Variants in HIP1 observed in about 807,000 individuals in gnomAD.
The protein encoded by HIP1 is huntingtin-interacting protein 1.
HIP1 carries 65 observed loss-of-function variants against 147.6 expected under a neutral mutation model. That is an observed-to-expected ratio of 0.44 (90% CI 0.36 to 0.54). The LOEUF (loss-of-function observed/expected upper bound fraction) is 0.54. Among genes scored for constraint, HIP1 ranks in the 20% least tolerant of loss-of-function variants. The probability of loss-of-function intolerance (pLI) is 0.00; values close to 1 mark genes in which losing one functional copy is unlikely to be tolerated. For missense variants in HIP1, 1,061 were observed against 1,299.6 expected (o/e 0.82, Z 2.82); for synonymous variants, 479 against 504.0 (o/e 0.95, Z 0.67).
chr7:75,695,805 C>G (rs1800616624), intron 1 of HIP1, among the ~76,000 whole-genome samples: 1 of 151,378 alleles, frequency 6.6e-6, no homozygotes, highest in African/African-American at 2.4e-5. Context: ...GAACTCCTGA[C>G]CCCAAGGGAT....
Position 75,664,004 on chromosome 7 carries a change from GTGTATATATATACACATATA to G in HIP1, c.121-64777_121-64758del, listed in dbSNP as rs1584931680. 3.6e-4 allele frequency among the ~76,000 whole-genome samples: 9 copies of G among 25,258 alleles called. 2 individuals carry two copies. In the East Asian group the frequency reaches 3.8e-3, roughly 11 times the overall value. The allele number at this position is 25,258 out of a possible 152,430, so 16.6% of individuals were successfully genotyped here. ...TATGTGTATATATATACACATATAT[GTGTATATATATACACATATA>G]TGTGTATATATATACACATATATGT... On this transcript the variant is annotated intron_variant, in intron 1 of 30. Transcript: ENST00000336926.
chr7:75,664,105 TAC>T, intron 1 of HIP1, among the ~76,000 whole-genome samples: 1 of 135,318 alleles, frequency 7.4e-6, no homozygotes, highest in Non-Finnish European at 1.6e-5. Context: ...TGTGCATACA[TAC>T]ATGTATGCAT....
At chr7:75,724,158 T>C (rs1409284752) in intron 1 of HIP1, among the ~76,000 whole-genome samples, 2 of 152,018 alleles carry the variant, frequency 1.3e-5, no homozygotes, top group Non-Finnish European at 2.9e-5. Flanking sequence ...GGTTTCACCA[T>C]GTTGGCCAGG....
At chr7:75,569,235 A>T (rs587718171) in intron 8 of HIP1, among the ~76,000 whole-genome samples, 417 of 152,298 alleles carry the variant, frequency 2.7e-3, no homozygotes, top group Non-Finnish European at 5.1e-3. Context: ...TTAAATTTAA[A>T]TTTGTTATTT....
intron 1 of HIP1, among the ~76,000 whole-genome samples, chr7:75,634,941 GAAAAAAAAAAA>G (rs58461422): frequency 1.6e-5 from 1 of 62,582 alleles, no homozygotes; most frequent in South Asian, 6.6e-4. Flanking sequence ...CACTATCTCT[GAAAAAAAAAAA>G]AAAAAAAAAA....
chr7:75,558,197 C>T lies in HIP1; in HGVS notation c.1434G>A (p.Leu478=). The change falls in exon 15 of 31, where the codon CTG becomes CTA. Residue 478 remains leucine (L), a synonymous_variant. Coordinates refer to ENST00000336926, the MANE Select transcript of HIP1 (RefSeq NM_005338.7). The part of the protein sequence containing the change: ...YSKLKEKYSE[L]VQNHADLLRK... ...GCAGCAGGTCAGCGTGGTTCTGAAC[C>T]AGCTCGCTGTACTTCTCCTTTAGCT... is the stretch of plus-strand genomic sequence containing the variant. 6.2e-7 allele frequency: 1 copy of T among 1,614,198 alleles called. No individual in the cohort carries two copies. Among genetic ancestry groups the T allele is most frequent in the Non-Finnish European group, 8.5e-7 (1 of 1,180,004 alleles).
At chr7:75,709,109 C>CTTTTTTTTTTTTTTT (rs55720152) in intron 1 of HIP1, among the ~76,000 whole-genome samples, 41 of 131,376 alleles carry the variant, frequency 3.1e-4, no homozygotes, top group East Asian at 6.6e-4. Context: ...TTTTTCTTTT[C>CTTTTTTTTTTTTTTT]TTTTTTTTTT....
chr7:75,551,112 G>A (rs1554492036), intron 22 of HIP1, among the ~76,000 whole-genome samples: 1 of 149,670 alleles, frequency 6.7e-6, no homozygotes, highest in Admixed American at 6.7e-5. Context: ...AATATATACA[G>A]TAGGACTCCA....
chr7:75,725,595 C>T (rs1438326740), intron 1 of HIP1, among the ~76,000 whole-genome samples: 1 of 152,064 alleles, frequency 6.6e-6, no homozygotes, highest in Non-Finnish European at 1.5e-5. Flanking sequence ...AGAAAATGTC[C>T]TTTTGTGTCT....
chr7:75,723,619 C>A (rs1395016324), intron 1 of HIP1, among the ~76,000 whole-genome samples: 1 of 152,086 alleles, frequency 6.6e-6, no homozygotes, highest in Non-Finnish European at 1.5e-5. Flanking sequence ...CTCCTAGAGG[C>A]CTCCCTCTGG....
At chr7:75,556,878 A>T (rs1795025493) in intron 16 of HIP1, 67 bp from the exon 17 acceptor site, 1 of 986,282 alleles carries the variant, frequency 1.0e-6, no homozygotes, top group African/African-American at 1.6e-5. Flanking sequence ...AAAAATGTAA[A>T]AACGTCCCAA....
intron 22 of HIP1, among the ~76,000 whole-genome samples, chr7:75,551,981 C>G (rs928968057): frequency 6.6e-6 from 1 of 152,116 alleles, no homozygotes; most frequent in Non-Finnish European, 1.5e-5. Flanking sequence ...CCTCAGCCTC[C>G]CAGGTTCAAG....
chr7:75,650,296 G>A (rs1798929742), intron 1 of HIP1, among the ~76,000 whole-genome samples: 1 of 151,990 alleles, frequency 6.6e-6, no homozygotes, highest in African/African-American at 2.4e-5. Flanking sequence ...GGCTGCCAGA[G>A]CTCTCTGCCC....
chr7:75,699,547 T>G (rs1800748916), intron 1 of HIP1, among the ~76,000 whole-genome samples: 3 of 151,956 alleles, frequency 2.0e-5, no homozygotes, highest in Admixed American at 6.6e-5. Flanking sequence ...ATAAAGACAT[T>G]CAGTTCCAAG....
At chr7:75,558,354 T>C in intron 14 of HIP1, 99 bp from the exon 15 acceptor site, 2 of 912,578 alleles carry the variant, frequency 2.2e-6, no homozygotes, top group Non-Finnish European at 3.6e-6. Flanking sequence ...CTTGTTTTGT[T>C]TTGAGACAGT....
chr7:75,660,158 G>T (rs981999431), intron 1 of HIP1, among the ~76,000 whole-genome samples: 1 of 150,922 alleles, frequency 6.6e-6, no homozygotes, highest in Non-Finnish European at 1.5e-5. Context: ...AAAAACTCAG[G>T]TTCTGGTGTC....
At chr7:75,680,134 C>G (rs1214446896) in intron 1 of HIP1, among the ~76,000 whole-genome samples, 1 of 152,140 alleles carries the variant, frequency 6.6e-6, no homozygotes, top group Non-Finnish European at 1.5e-5. Context: ...CCTCTACCTC[C>G]TGGGTTCAAG....
At chr7:75,658,054 T>A (rs1799196998) in intron 1 of HIP1, among the ~76,000 whole-genome samples, 1 of 152,170 alleles carries the variant, frequency 6.6e-6, no homozygotes, top group African/African-American at 2.4e-5. Context: ...CTCTACACCC[T>A]GGGACACTCC....
intron 5 of HIP1, among the ~76,000 whole-genome samples, chr7:75,584,943 G>C (rs1273091669): frequency 1.3e-5 from 2 of 151,606 alleles, no homozygotes; most frequent in East Asian, 3.9e-4. Context: ...CCGCCTCCTG[G>C]GTTCAAGCCA....
Sources: gnomAD v4.1 joint callset for allele counts (sites outside exome capture counted in the v4.1 genomes callset) on GRCh38, gnomAD v4.1.1 for gene constraint, MANE v1.5 for transcripts, NCBI Gene and HGNC (gene_info 2026-07-23, HGNC 2026-07-21) for gene names.